CTNNA3: variants seen among roughly 807,000 people sequenced by gnomAD.
CTNNA3 encodes the protein catenin alpha 3.
A neutral mutation model predicts 95.7 loss-of-function variants in CTNNA3; 76 were observed. That is an observed-to-expected ratio of 0.79 (90% CI 0.66 to 0.96). The LOEUF is 0.96. Ranked by LOEUF, CTNNA3 falls within the 40% of genes least tolerant of loss-of-function variation. The probability of loss-of-function intolerance (pLI) is 0.00; values close to 1 mark genes in which losing one functional copy is unlikely to be tolerated. For missense variants in CTNNA3, 1,191 were observed against 1,089.8 expected, an observed-to-expected ratio of 1.09 and a Z score of -1.31; for synonymous variants, 431 against 374.4, an observed-to-expected ratio of 1.15 and a Z score of -1.74.
intron 5 of CTNNA3, among the ~76,000 whole-genome samples, chr10:67,296,934 CA>C (rs1210482029): frequency 0.021 from 378 of 17,620 alleles, no homozygotes; most frequent in East Asian, 0.042. Context: ...AACGCTGTCT[CA>C]AAAAAAAAAA....
At chr10:67,395,612 T>C (rs772783778) in intron 5 of CTNNA3, among the ~76,000 whole-genome samples, 15 of 152,188 alleles carry the variant, frequency 9.9e-5, no homozygotes, top group African/African-American at 4.8e-5. Context: ...TAGTACATCA[T>C]AGCAATATCT....
intron 4 of CTNNA3, among the ~76,000 whole-genome samples, chr10:67,530,398 A>G (rs990619596): frequency 2.0e-5 from 3 of 152,216 alleles, no homozygotes; most frequent in Admixed American, 6.5e-5. Flanking sequence ...CTCAGCTGGA[A>G]ATGAGGAACT....
rs76903762 is a variant in CTNNA3 at position 66,647,207 on chromosome 10, A to G, written c.1282-25423T>C. On this transcript the variant is annotated intron_variant, in intron 9 of 17. Transcript: ENST00000433211. ...TTAACATCTAAAGGGTTCATACACTACAAGCCAGGAGAGTCAAAGTATATA... is the reference window on the plus strand; with the variant it reads ...TTAACATCTAAAGGGTTCATACACTGCAAGCCAGGAGAGTCAAAGTATATA... Among the ~76,000 whole-genome samples the G allele has an allele frequency of 1.4e-3, 212 of 152,314 alleles. 1 individual carries two copies. The highest frequency in any genetic ancestry group is 4.5e-3 in the African/African-American group (188 of 41,572).
At chr10:66,199,805 A>ATATATATATTTTTT (rs1564756586) in intron 13 of CTNNA3, among the ~76,000 whole-genome samples, 11 of 14,292 alleles carry the variant, frequency 7.7e-4, no homozygotes, top group Non-Finnish European at 1.1e-3. Flanking sequence ...ATATATATAT[A>ATATATATATTTTTT]TTTTTTTTTT....
At position 66,553,125 on chromosome 10, in the gene CTNNA3, A is replaced by G. The variant is rs376895987; in HGVS notation, c.1375-32352T>C. Among the ~76,000 whole-genome samples, 20 of 152,140 alleles carry G rather than the reference A, an allele frequency of 1.3e-4. 1 individual carries two copies. The South Asian group carries it at 3.9e-3, about 30-fold the overall frequency. On this transcript the variant is annotated intron_variant, in intron 10 of 17. Transcript: ENST00000433211. ...GGTATTTAATATGCTTAATATTTGCATGGTATATATTTTGTAATCCTTTTA... is the reference window on the plus strand; with the variant it reads ...GGTATTTAATATGCTTAATATTTGCGTGGTATATATTTTGTAATCCTTTTA...
intron 5 of CTNNA3, among the ~76,000 whole-genome samples, chr10:67,437,953 G>T (rs1401466928): frequency 6.6e-6 from 1 of 151,362 alleles, no homozygotes; most frequent in African/African-American, 2.4e-5. Context: ...AAAAATGGTA[G>T]AATTTTGGTA....
In CTNNA3 at chr10:67,287,779, T is replaced by C. The variant is rs184863416; in HGVS notation, c.580-67909A>G. 3.3e-3 allele frequency among the ~76,000 whole-genome samples: 509 copies of C among 152,312 alleles called. 1 individual carries two copies. Among genetic ancestry groups the C allele is most frequent in the Admixed American group, 7.1e-3 (109 of 15,304 alleles). ...CAGCATTTGATATTGTGTTCAAAGA[T>C]TGCAGAAAAACATGTAGTTATAATC... On this transcript the variant is annotated intron_variant, in intron 5 of 17. Coordinates refer to ENST00000433211, the MANE Select transcript of CTNNA3 (RefSeq NM_013266.4).
At chr10:67,560,412 A>T (rs1564740303) in intron 3 of CTNNA3, among the ~76,000 whole-genome samples, 1 of 152,140 alleles carries the variant, frequency 6.6e-6, no homozygotes, top group Non-Finnish European at 1.5e-5. Flanking sequence ...AGGAGAAATA[A>T]AATACTTTAC....
At chr10:66,886,704 G>A (rs538860771) in intron 7 of CTNNA3, among the ~76,000 whole-genome samples, 2 of 152,090 alleles carry the variant, frequency 1.3e-5, no homozygotes, top group Admixed American at 6.6e-5. Flanking sequence ...TCTGTCTCAT[G>A]TCTAATCCCA....
chr10:66,938,136 A>T (rs539445863), intron 7 of CTNNA3, among the ~76,000 whole-genome samples: 1 of 152,306 alleles, frequency 6.6e-6, no homozygotes, highest in Non-Finnish European at 1.5e-5. Flanking sequence ...AATTGTATCA[A>T]CCTTATATTT....
At chr10:65,962,251 C>T (rs1375442561) in intron 17 of CTNNA3, among the ~76,000 whole-genome samples, 1 of 152,124 alleles carries the variant, frequency 6.6e-6, no homozygotes, top group African/African-American at 2.4e-5. Flanking sequence ...CTAAACCTTT[C>T]TCCTTGGATG....
chr10:66,436,874 G>C (rs938841595), intron 11 of CTNNA3, among the ~76,000 whole-genome samples: 8 of 152,134 alleles, frequency 5.3e-5, no homozygotes, highest in Non-Finnish European at 1.0e-4. Flanking sequence ...CTCTTGTAAG[G>C]CAGACCTGGT....
chr10:65,990,939 T>C (rs1331446379), intron 15 of CTNNA3, among the ~76,000 whole-genome samples: 1 of 152,122 alleles, frequency 6.6e-6, no homozygotes, highest in African/African-American at 2.4e-5. Context: ...GATTTTTGTA[T>C]ATGGTGAGAG....
At chr10:67,507,057 A>G (rs935137221) in intron 5 of CTNNA3, among the ~76,000 whole-genome samples, 4 of 152,222 alleles carry the variant, frequency 2.6e-5, no homozygotes, top group African/African-American at 9.6e-5. Context: ...GAAATAAAAG[A>G]GGAAACATTA....
chr10:66,117,286 T>C (rs186773632), intron 13 of CTNNA3, among the ~76,000 whole-genome samples: 61 of 152,304 alleles, frequency 4.0e-4, no homozygotes, highest in African/African-American at 1.3e-3. Context: ...CTGTCAAAAA[T>C]GTGAAATGCC....
intron 5 of CTNNA3, among the ~76,000 whole-genome samples, chr10:67,437,060 G>A (rs951402785): frequency 2.0e-5 from 3 of 152,180 alleles, no homozygotes; most frequent in African/African-American, 7.2e-5. Flanking sequence ...CTGCAAAATC[G>A]TGGAACCAAT....
At chr10:66,596,787 C>T (rs368593877) in intron 10 of CTNNA3, among the ~76,000 whole-genome samples, 75 of 151,932 alleles carry the variant, frequency 4.9e-4, no homozygotes, top group African/African-American at 1.4e-3. Context: ...GTCAAAGAAA[C>T]GCAACACCAC....
At chr10:66,091,923 A>T (rs1185546232) in intron 14 of CTNNA3, among the ~76,000 whole-genome samples, 1 of 151,894 alleles carries the variant, frequency 6.6e-6, no homozygotes, top group Non-Finnish European at 1.5e-5. Context: ...TGCATATAAG[A>T]TAATTTCCAG....
chr10:66,625,062 T>C (rs1006861123), intron 9 of CTNNA3, among the ~76,000 whole-genome samples: 18 of 152,292 alleles, frequency 1.2e-4, no homozygotes, highest in African/African-American at 4.1e-4. Context: ...TTATGAAAGA[T>C]TAAATTACAT....
Sources: gnomAD v4.1 joint callset for allele counts (sites outside exome capture counted in the v4.1 genomes callset) on GRCh38, gnomAD v4.1.1 for gene constraint, MANE v1.5 for transcripts, NCBI Gene and HGNC (gene_info 2026-07-23, HGNC 2026-07-21) for gene names.